Variants in C8orf34 observed in about 807,000 individuals in gnomAD.
C8orf34 encodes the protein chromosome 8 open reading frame 34.
In C8orf34, 65 loss-of-function variants were observed where a neutral mutation model predicts 68.3. That is an observed-to-expected ratio of 0.95 (90% CI 0.78 to 1.17). The LOEUF (loss-of-function observed/expected upper bound fraction) is 1.17. Ranked by LOEUF, C8orf34 falls within the 50% of genes most tolerant of loss-of-function variation. C8orf34 has a pLI of 0.00. For synonymous variants in C8orf34, 244 were observed against 241.2 expected (o/e 1.01, Z -0.11); for missense variants, 664 against 655.4 (o/e 1.01, Z -0.14).
intron 7 of C8orf34, among the ~76,000 whole-genome samples, chr8:68,578,948 C>T (rs1471078372): frequency 1.3e-5 from 2 of 152,056 alleles, no homozygotes; most frequent in African/African-American, 4.8e-5. Flanking sequence ...AAGTATCAAT[C>T]CTCGGCGATT....
At chr8:68,445,512 C>T (rs567719222) in intron 2 of C8orf34, among the ~76,000 whole-genome samples, 120 of 152,164 alleles carry the variant, frequency 7.9e-4, no homozygotes, top group African/African-American at 2.8e-3. Context: ...TTGAAACACC[C>T]TTTAATTGTG....
At chr8:68,669,207 T>C (rs1819932609) in intron 8 of C8orf34, among the ~76,000 whole-genome samples, 1 of 152,170 alleles carries the variant, frequency 6.6e-6, no homozygotes, top group Non-Finnish European at 1.5e-5. Context: ...GTTTCATTGA[T>C]TGTAACAAAT....
chr8:68,791,692 A>C (rs544080720), intron 12 of C8orf34: 1 of 152,260 alleles, frequency 6.6e-6, no homozygotes, highest in East Asian at 1.9e-4. Flanking sequence ...AAACATTAAG[A>C]CTTCCCCACT....
chr8:68,682,276 A>C (rs1408576637), intron 8 of C8orf34, among the ~76,000 whole-genome samples: 1 of 152,164 alleles, frequency 6.6e-6, no homozygotes, highest in Non-Finnish European at 1.5e-5. Context: ...CATTTACCTG[A>C]TGTAATTATT....
rs371535778 is a variant in C8orf34 at position 68,640,366 on chromosome 8, G to T, written c.1106-10G>T. 75 of 1,609,838 alleles carry T rather than the reference G, an allele frequency of 4.7e-5. No homozygotes were observed. In the African/African-American group the frequency reaches 9.0e-4, roughly 19 times the overall value. On this transcript the variant is annotated splice_polypyrimidine_tract_variant and intron_variant, in intron 7 of 13. Coordinates refer to ENST00000518698, the MANE Select transcript of C8orf34 (RefSeq NM_052958.4). The stretch of plus-strand genomic sequence containing the variant: ...AATTTTTTTCTCTGTAATTGTTTGT[G>T]TTGTTACAGAGGATCTTAATGATTT...
chr8:68,739,399 G>T (rs1221704181), intron 10 of C8orf34, among the ~76,000 whole-genome samples: 1 of 151,624 alleles, frequency 6.6e-6, no homozygotes, highest in East Asian at 1.9e-4. Flanking sequence ...AAAGTCTCAG[G>T]ATACAAAATC....
At chr8:68,623,635 T>C (rs939009944) in intron 7 of C8orf34, among the ~76,000 whole-genome samples, 5 of 152,092 alleles carry the variant, frequency 3.3e-5, no homozygotes, top group African/African-American at 1.2e-4. Context: ...CTTACAGTTG[T>C]GGAGGCTGGA....
chr8:68,678,771 G>A (rs1283562310), intron 8 of C8orf34, among the ~76,000 whole-genome samples: 1 of 151,286 alleles, frequency 6.6e-6, no homozygotes. Context: ...AGACACAAAG[G>A]GAATCTGAAT....
chr8:68,404,376 T>C (rs1406750468), intron 1 of C8orf34, among the ~76,000 whole-genome samples: 1 of 152,218 alleles, frequency 6.6e-6, no homozygotes, highest in Non-Finnish European at 1.5e-5. Flanking sequence ...CTCTTTAGTT[T>C]AATTAGATCT....
chr8:68,338,892 G>T (rs960324959), intron 1 of C8orf34, among the ~76,000 whole-genome samples: 4 of 152,068 alleles, frequency 2.6e-5, no homozygotes, highest in African/African-American at 9.7e-5. Flanking sequence ...TTTTTAGCCA[G>T]AAACCCATTA....
At chr8:68,344,519 G>A (rs1806201936) in intron 1 of C8orf34, among the ~76,000 whole-genome samples, 1 of 151,990 alleles carries the variant, frequency 6.6e-6, no homozygotes, top group African/African-American at 2.4e-5. Flanking sequence ...TTCTTCTATA[G>A]TTTTGCAAAA....
intron 8 of C8orf34, chr8:68,695,813 C>A (rs1193884548): frequency 6.6e-6 from 1 of 152,022 alleles, no homozygotes; most frequent in African/African-American, 2.4e-5. Context: ...TTTCTGTCAT[C>A]TATATAATCT....
chr8:68,618,512 A>G (rs1322694808), intron 7 of C8orf34, among the ~76,000 whole-genome samples: 1 of 152,008 alleles, frequency 6.6e-6, no homozygotes, highest in Non-Finnish European at 1.5e-5. Flanking sequence ...ACAACGCTCT[A>G]CTAATTTTTA....
intron 1 of C8orf34, among the ~76,000 whole-genome samples, chr8:68,400,868 T>C (rs1166931215): frequency 6.6e-6 from 1 of 152,202 alleles, no homozygotes; most frequent in African/African-American, 2.4e-5. Flanking sequence ...TTTTTGATTC[T>C]ATGTGAATTT....
intron 6 of C8orf34, chr8:68,525,956 C>CT (rs10692707): frequency 0.068 from 12,173 of 178,126 alleles, 198 homozygotes; most frequent in South Asian, 0.1. Context: ...TTCTTTCTTT[C>CT]TTTTTTTTTT....
intron 10 of C8orf34, among the ~76,000 whole-genome samples, chr8:68,760,254 G>T (rs757214363): frequency 1.3e-5 from 2 of 152,038 alleles, no homozygotes; most frequent in African/African-American, 4.8e-5. Flanking sequence ...ATGAAAATGA[G>T]AATCATTTCT....
At chr8:68,440,930 G>A (rs150252033) in intron 2 of C8orf34, among the ~76,000 whole-genome samples, 3,744 of 148,820 alleles carry the variant, frequency 0.025, 64 homozygotes, top group Middle Eastern at 0.075. Context: ...TCAGCCTCCC[G>A]AGTAGCTGGA....
At chr8:68,462,017 C>A (rs1327874763) in intron 3 of C8orf34, among the ~76,000 whole-genome samples, 1 of 152,098 alleles carries the variant, frequency 6.6e-6, no homozygotes, top group Non-Finnish European at 1.5e-5. Flanking sequence ...AGAGTCAAGA[C>A]CCATCAGTGT....
chr8:68,673,213 T>A (rs772685864), intron 8 of C8orf34, among the ~76,000 whole-genome samples: 13 of 152,088 alleles, frequency 8.5e-5, no homozygotes, highest in Non-Finnish European at 1.3e-4. Context: ...TATGGTGCTA[T>A]GGGAGGGACT....
Sources: gnomAD v4.1 joint callset for allele counts (sites outside exome capture counted in the v4.1 genomes callset) on GRCh38, gnomAD v4.1.1 for gene constraint, MANE v1.5 for transcripts, NCBI Gene and HGNC (gene_info 2026-07-23, HGNC 2026-07-21) for gene names.